The following ST8SIA3 variants were observed in gnomAD, a reference collection of about 807,000 sequenced individuals.
ST8SIA3 encodes ST8 alpha-N-acetyl-neuraminide alpha-2,8-sialyltransferase 3, also known as alpha-N-acetylneuraminate alpha-2,8-sialyltransferase ST8SIA3.
Under a neutral mutation model 34.5 loss-of-function variants are expected in ST8SIA3, and 17 were observed. The ratio of observed to expected loss-of-function variants is 0.49; its 90% CI spans 0.34 to 0.74. ST8SIA3 has a LOEUF of 0.74. Ranked by LOEUF, ST8SIA3 falls within the 30% of genes least tolerant of loss-of-function variation. The probability of loss-of-function intolerance (pLI) is 0.01; values close to 1 mark genes in which losing one functional copy is unlikely to be tolerated. For synonymous variants in ST8SIA3, 172 were observed against 176.1 expected, an observed-to-expected ratio of 0.98 and a Z score of 0.19; for missense variants, 354 against 467.8, an observed-to-expected ratio of 0.76 and a Z score of 2.24.
chr18:57,365,741 A>G lies in ST8SIA3; in HGVS notation c.*5464A>G, dbSNP rs1014172395. ...GAGGCTCCAGTTCTAAGACTAACCC[A>G]GTATAACAAGGGTGATCAGTTATTA... On this transcript the variant is annotated 3_prime_UTR_variant, in exon 4 of 4. Coordinates refer to ENST00000324000, the MANE Select transcript of ST8SIA3 (RefSeq NM_015879.3). 1 of 152,238 alleles carries G rather than the reference A, an allele frequency of 6.6e-6. No individual in the cohort carries two copies. The highest frequency in any genetic ancestry group is 1.5e-5 in the Non-Finnish European group (1 of 68,040). The allele number at this position is 152,238 out of a possible 1,614,324, so 9.4% of individuals were successfully genotyped here.
In ST8SIA3 at chr18:57,360,374, G is replaced by T; in HGVS notation, c.*97G>T. 1.7e-6 allele frequency: 2 copies of T among 1,196,692 alleles called. No individual in the cohort carries two copies. Among genetic ancestry groups the T allele is most frequent in the South Asian group, 1.6e-5 (1 of 63,202 alleles). The allele number at this position is 1,196,692 out of a possible 1,614,324, so 74.1% of individuals were successfully genotyped here. A position where few individuals can be genotyped will look rare whatever the true frequency, so the allele number is the denominator to read the frequency against. On this transcript the variant is annotated 3_prime_UTR_variant, in exon 4 of 4. Coordinates refer to ENST00000324000, the MANE Select transcript of ST8SIA3 (RefSeq NM_015879.3). Reference sequence around the variant, plus strand: ...AGAACCCTAGAGAATGTCTTATAAGGATTGTCTGCCATTTAAAAGGAAAGA... The same window carrying T: ...AGAACCCTAGAGAATGTCTTATAAGTATTGTCTGCCATTTAAAAGGAAAGA...
rs931994115 is a variant in ST8SIA3, at chr18:57,363,096, G to T, written c.*2819G>T. 2.0e-5 allele frequency: 3 copies of T among 152,086 alleles called. No individual in the cohort carries two copies. The highest frequency in any genetic ancestry group is 2.0e-4 in the Admixed American group (3 of 15,256). The allele number at this position is 152,086 out of a possible 1,614,324, so 9.4% of individuals were successfully genotyped here. ...TTGTCAGACACTTTCCCTTTTTTAGGATACTCACAACAGAGTCCACTTTCA... is the reference window on the plus strand; with the variant it reads ...TTGTCAGACACTTTCCCTTTTTTAGTATACTCACAACAGAGTCCACTTTCA... On this transcript the variant is annotated 3_prime_UTR_variant, in exon 4 of 4. Coordinates refer to ENST00000324000, the MANE Select transcript of ST8SIA3 (RefSeq NM_015879.3).
At chr18:57,356,328 G>A (rs1183798618) in intron 2 of ST8SIA3, among the ~76,000 whole-genome samples, 1 of 152,026 alleles carries the variant, frequency 6.6e-6, no homozygotes, top group East Asian at 1.9e-4. Context: ...TTATTCAAAG[G>A]ACCTTAATGA....
chr18:57,366,777 T>G lies in ST8SIA3; in HGVS notation c.*6500T>G, dbSNP rs1325668781. 6.6e-6 allele frequency: 1 copy of G among 152,226 alleles called. No homozygotes were observed. The highest frequency in any genetic ancestry group is 1.5e-5 in the Non-Finnish European group (1 of 68,046). 9.4% of individuals were successfully genotyped at this position (152,226 alleles called of 1,614,324 possible). On this transcript the variant is annotated 3_prime_UTR_variant, in exon 4 of 4. Coordinates refer to ENST00000324000, the MANE Select transcript of ST8SIA3 (RefSeq NM_015879.3). ...GTGAAGAAATACCACTTGGTAGGAATATCTCTGGGCAACTTCATTGCTGAC... is the reference window on the plus strand; with the variant it reads ...GTGAAGAAATACCACTTGGTAGGAAGATCTCTGGGCAACTTCATTGCTGAC...
At position 57,363,575 on chromosome 18, in the gene ST8SIA3, A is replaced by C. The variant is rs145543485; in HGVS notation, c.*3298A>C. 2 of 152,394 alleles carry C rather than the reference A, an allele frequency of 1.3e-5. No homozygotes were observed. Among genetic ancestry groups the C allele is most frequent in the African/African-American group, 4.8e-5 (2 of 41,596 alleles). 9.4% of individuals were successfully genotyped at this position (152,394 alleles called of 1,614,324 possible). ...AGGAAGAACCGCTGCCCCTGCCCTC[A>C]GCTTCCTTATGCCCGAGCCACTACT... On this transcript the variant is annotated 3_prime_UTR_variant, in exon 4 of 4. Coordinates refer to ENST00000324000, the MANE Select transcript of ST8SIA3 (RefSeq NM_015879.3).
At chr18:57,354,271 A>T in intron 1 of ST8SIA3, 131 bp from the exon 2 acceptor site, 1 of 1,145,202 alleles carries the variant, frequency 8.7e-7, no homozygotes, top group African/African-American at 1.6e-5. Flanking sequence ...ACCAAATGAG[A>T]GGGGCTCCGG....
In ST8SIA3 at chr18:57,360,332, T is replaced by A. The variant is rs546861703; in HGVS notation, c.*55T>A. On this transcript the variant is annotated 3_prime_UTR_variant, in exon 4 of 4. Coordinates refer to ENST00000324000, the MANE Select transcript of ST8SIA3 (RefSeq NM_015879.3). ...GTTTAAAAAGTGCCCCAAATCAAAT[T>A]GAATAGCCTTCAGAATAGAACCCTA... 4 of 1,523,200 alleles carry A rather than the reference T, an allele frequency of 2.6e-6. No homozygotes were observed. The highest frequency in any genetic ancestry group is 2.7e-6 in the Non-Finnish European group (3 of 1,116,560). The allele number at this position is 1,523,200 out of a possible 1,614,324, so 94.4% of individuals were successfully genotyped here. A position where few individuals can be genotyped will look rare whatever the true frequency, so the allele number is the denominator to read the frequency against.
At chr18:57,358,975 C>T (rs146234812) in intron 3 of ST8SIA3, among the ~76,000 whole-genome samples, 96 of 152,262 alleles carry the variant, frequency 6.3e-4, no homozygotes, top group African/African-American at 2.2e-3. Flanking sequence ...AAAGGTTCAC[C>T]TTTGAAATCT....
chr18:57,352,955 A>C lies in ST8SIA3; in HGVS notation c.109A>C (p.Asn37His), dbSNP rs761896686. 1.2e-6 allele frequency: 2 copies of C among 1,613,064 alleles called. No individual in the cohort carries two copies. The highest frequency in any genetic ancestry group is 1.7e-6 in the Non-Finnish European group (2 of 1,179,880). Residue 37 changes from asparagine (N) to histidine (H), a missense_variant, in exon 1 of 4, where the codon AAC becomes CAC. Asn to His is a moderately conservative substitution (Grantham distance 68). Transcript: ENST00000324000. The stretch of plus-strand genomic sequence containing the variant: ...CAGCTACGTGTCCCTGAAAAAGGAG[A>C]ACATCTTCACCACTCCCAAGTACGC... ...LISYVSLKKE[N>H]IFTTPKYASP...
In ST8SIA3 at chr18:57,365,878, C is replaced by T. The variant is rs148781609; in HGVS notation, c.*5601C>T. The T allele has an allele frequency of 6.6e-6, 1 of 152,284 alleles. No individual in the cohort carries two copies. Among genetic ancestry groups the T allele is most frequent in the African/African-American group, 2.4e-5 (1 of 41,572 alleles). 9.4% of individuals were successfully genotyped at this position (152,284 alleles called of 1,614,324 possible). On this transcript the variant is annotated 3_prime_UTR_variant, in exon 4 of 4. Coordinates refer to ENST00000324000, the MANE Select transcript of ST8SIA3 (RefSeq NM_015879.3). The stretch of plus-strand genomic sequence containing the variant: ...AGAAAGGCTTTAGACAACAGTGATA[C>T]CAAAGGGTTCCTTTGATTTTCCTTC...
rs1598906481 is a variant in ST8SIA3, at chr18:57,367,746, A to T, written c.*7469A>T. 1 of 152,552 alleles carries T rather than the reference A, an allele frequency of 6.6e-6. No individual in the cohort carries two copies. Among genetic ancestry groups the T allele is most frequent in the South Asian group, 2.1e-4 (1 of 4,820 alleles). 9.4% of individuals were successfully genotyped at this position (152,552 alleles called of 1,614,324 possible). A position where few individuals can be genotyped will look rare whatever the true frequency, so the allele number is the denominator to read the frequency against. On this transcript the variant is annotated 3_prime_UTR_variant, in exon 4 of 4. Coordinates refer to ENST00000324000, the MANE Select transcript of ST8SIA3 (RefSeq NM_015879.3). ...ATTTTTTAATATGGAGAATAACTGT[A>T]CCCCATGTTAGAAGTGCTCTTTAGC...
chr18:57,360,961 G>A lies in ST8SIA3; in HGVS notation c.*684G>A, dbSNP rs936019510. 6.6e-6 allele frequency: 1 copy of A among 152,428 alleles called. No homozygotes were observed. The highest frequency in any genetic ancestry group is 1.5e-5 in the Non-Finnish European group (1 of 68,234). 9.4% of individuals were successfully genotyped at this position (152,428 alleles called of 1,614,324 possible). ...ACTCCCTTGTGATTCCTTTTTTAAA[G>A]AAATGCCTCTGATGCAGTCCTCACC... On this transcript the variant is annotated 3_prime_UTR_variant, in exon 4 of 4. Transcript: ENST00000324000.
rs149511939 is a variant in ST8SIA3, at chr18:57,368,465, G to C, written c.*8188G>C. On this transcript the variant is annotated 3_prime_UTR_variant, in exon 4 of 4. Transcript: ENST00000324000. ...TTGTTAATACCGTGATTCCCTGCCC[G>C]CTCACCCCGTCACTCAACACTTGAT... is the stretch of plus-strand genomic sequence containing the variant. The C allele has an allele frequency of 6.6e-6, 1 of 152,134 alleles. No individual in the cohort carries two copies. Among genetic ancestry groups the C allele is most frequent in the Non-Finnish European group, 1.5e-5 (1 of 68,028 alleles). The allele number at this position is 152,134 out of a possible 1,614,324, so 9.4% of individuals were successfully genotyped here.
rs1196505961 is a variant in ST8SIA3, at chr18:57,364,341, G to C, written c.*4064G>C. The C allele has an allele frequency of 1.3e-5, 2 of 152,130 alleles. No homozygotes were observed. The highest frequency in any genetic ancestry group is 1.5e-5 in the Non-Finnish European group (1 of 68,026). 9.4% of individuals were successfully genotyped at this position (152,130 alleles called of 1,614,324 possible). ...TATACAACTTTCATCGGGGTCCCTT[G>C]AGTTAAGAAATGCCTTCTATTTTAT... On this transcript the variant is annotated 3_prime_UTR_variant, in exon 4 of 4. Transcript: ENST00000324000.
intron 3 of ST8SIA3, among the ~76,000 whole-genome samples, chr18:57,359,616 G>A (rs989458567): frequency 5.9e-5 from 9 of 152,084 alleles, no homozygotes; most frequent in Admixed American, 2.0e-4. Context: ...TTGTGTCACC[G>A]CTGGGTCAGA....
rs945088929 is a variant in ST8SIA3 at position 57,362,387 on chromosome 18, T to C, written c.*2110T>C. On this transcript the variant is annotated 3_prime_UTR_variant, in exon 4 of 4. Transcript: ENST00000324000. ...TCTGACTCTGGAGTTTTAATCCCAA[T>C]GTGCCCATTCATTTTCACTAAATAT... 9.2e-5 allele frequency: 14 copies of C among 152,244 alleles called. No homozygotes were observed. The highest frequency in any genetic ancestry group is 2.9e-4 in the African/African-American group (12 of 41,468). The allele number at this position is 152,244 out of a possible 1,614,324, so 9.4% of individuals were successfully genotyped here.
chr18:57,360,027 G>A lies in ST8SIA3; in HGVS notation c.893G>A (p.Arg298Gln), dbSNP rs923104592. 1.9e-6 allele frequency: 3 copies of A among 1,612,976 alleles called. No homozygotes were observed. Among genetic ancestry groups the A allele is most frequent in the Non-Finnish European group, 2.5e-6 (3 of 1,179,086 alleles). ...YWKNKHLSPK[R>Q]LSTGILMYTL... ...AAAAACAAACATTTGTCACCTAAAC[G>A]GCTGAGCACAGGTATTCTTATGTAC... The change falls in exon 4 of 4, where the codon CGG becomes CAG. Residue 298 changes from arginine to glutamine, a missense_variant. Physicochemically the swap from Arg to Gln is conservative, Grantham distance 43. This residue lies in a region of ST8SIA3 where 166 missense variants were observed against 245.2 expected (regional missense o/e 0.68). Coordinates refer to ENST00000324000, the MANE Select transcript of ST8SIA3 (RefSeq NM_015879.3).
chr18:57,353,274 C>T (rs2049776198), intron 1 of ST8SIA3, among the ~76,000 whole-genome samples: 1 of 152,144 alleles, frequency 6.6e-6, no homozygotes, highest in Non-Finnish European at 1.5e-5. Flanking sequence ...CTCAGCATCC[C>T]TTCCCTCATT....
chr18:57,354,552 G>T, intron 2 of ST8SIA3, 28 bp downstream of exon 2: 2 of 1,611,396 alleles, frequency 1.2e-6, no homozygotes, highest in South Asian at 2.2e-5. Flanking sequence ...GATCCAAAAG[G>T]TGCTTTTAAG....
Sources: gnomAD v4.1 joint callset for allele counts (sites outside exome capture counted in the v4.1 genomes callset) on GRCh38, gnomAD v4.1.1 for gene constraint, gnomAD v4.1.1 regional missense constraint, MANE v1.5 for transcripts, NCBI Gene and HGNC (gene_info 2026-07-23, HGNC 2026-07-21) for gene names.